The following THG1L variants were observed in gnomAD, a reference collection of about 807,000 sequenced individuals.
THG1L encodes tRNA-histidine guanylyltransferase 1 like, also known as probable tRNA(His) guanylyltransferase.
Under a neutral mutation model 35.2 loss-of-function variants are expected in THG1L, and 27 were observed. The observed-to-expected ratio is 0.77, with a 90% CI of 0.57 to 1.06. The LOEUF (loss-of-function observed/expected upper bound fraction) is 1.06, where lower values mean the gene tolerates loss of function less well. Ranked by LOEUF, THG1L falls within the 50% of genes least tolerant of loss-of-function variation. The pLI, the probability that THG1L is intolerant of heterozygous loss-of-function variation, is 0.00. For synonymous variants in THG1L, 135 were observed against 132.4 expected (o/e 1.02, Z -0.14); for missense variants, 377 against 371.8 (o/e 1.01, Z -0.12).
chr5:157,739,505 T>C lies in THG1L; in HGVS notation c.*23T>C. 1 of 1,600,888 alleles carries C rather than the reference T, an allele frequency of 6.2e-7. No individual in the cohort carries two copies. On this transcript the variant is annotated 3_prime_UTR_variant, in exon 6 of 6. Transcript: ENST00000231198. ...TGACCCTTTTGCGCTTCAGTTCTGG[T>C]GTGCTTAACCATGCAAGCCCTCCCA...
In THG1L at chr5:157,734,735, A is replaced by G; in HGVS notation, c.528A>G (p.Arg176=). 1 of 1,614,156 alleles carries G rather than the reference A, an allele frequency of 6.2e-7. No individual in the cohort carries two copies. Among genetic ancestry groups the G allele is most frequent in the Non-Finnish European group, 8.5e-7 (1 of 1,180,028 alleles). The change falls in exon 3 of 6, where the codon CGA becomes CGG. Residue 176 remains arginine (R), a synonymous_variant. Coordinates refer to ENST00000231198, the MANE Select transcript of THG1L (RefSeq NM_017872.5). ...NQTLKDYLSW[R]QADCHINNLY... is the part of the protein sequence containing the mutation. The stretch of plus-strand genomic sequence containing the variant: ...CTTTAAAGGACTACCTCAGCTGGCG[A>G]CAAGCAGATTGTGAGTGGCACCAAA...
At chr5:157,738,489 A>G (rs574833926) in intron 5 of THG1L, 4 of 351,990 alleles carry the variant, frequency 1.1e-5, no homozygotes, top group Middle Eastern at 1.0e-3. Flanking sequence ...AAGTCTGTAC[A>G]TTTACCTATA....
chr5:157,732,215 CAAAAAAAAAA>C (rs34744387), intron 1 of THG1L, among the ~76,000 whole-genome samples: 4,717 of 53,560 alleles, frequency 0.088, 34 homozygotes, highest in Non-Finnish European at 0.11. Flanking sequence ...TCCGCCACTA[CAAAAAAAAAA>C]AAAAAAAAAA....
intron 1 of THG1L, 40 bp downstream of exon 1, chr5:157,731,671 C>G: frequency 6.4e-7 from 1 of 1,565,910 alleles, no homozygotes; most frequent in South Asian, 1.2e-5. Flanking sequence ...TGCGCCAGCG[C>G]TTCCGGGGAA....
In THG1L at chr5:157,737,895, T is replaced by TG; in HGVS notation, c.637dup (p.Ala213GlyfsTer6). ...TATTTTTATTTTCTCAGGGAACTCTTGCAGCAGACAAGAATGAGATTTTGT... is the reference window on the plus strand; with the variant it reads ...TATTTTTATTTTCTCAGGGAACTCTTGGCAGCAGACAAGAATGAGATTTTGT... On this transcript the variant is annotated frameshift_variant, in exon 5 of 6. Transcript: ENST00000231198. LOFTEE classifies it high-confidence loss of function. The TG allele has an allele frequency of 1.2e-6, 2 of 1,612,316 alleles. No homozygotes were observed. Among genetic ancestry groups the TG allele is most frequent in the Non-Finnish European group, 1.7e-6 (2 of 1,179,424 alleles).
chr5:157,739,392 G>A lies in THG1L; in HGVS notation c.807G>A (p.Arg269=). 6.2e-7 allele frequency: 1 copy of A among 1,613,984 alleles called. No homozygotes were observed. Among genetic ancestry groups the A allele is most frequent in the Non-Finnish European group, 8.5e-7 (1 of 1,179,928 alleles). Residue 269 remains arginine, a synonymous_variant, in exon 6 of 6, where the codon CGG becomes CGA. Coordinates refer to ENST00000231198, the MANE Select transcript of THG1L (RefSeq NM_017872.5). ...EMEGKKMAVT[R]TRTKPVPLHC... ...AAGGAAAAAAGATGGCAGTGACCCG[G>A]ACCAGGACAAAGCCAGTGCCCTTGC...
At chr5:157,737,551 G>A (rs3817022) in intron 4 of THG1L, among the ~76,000 whole-genome samples, 52,284 of 151,664 alleles carry the variant, frequency 0.34, 9,151 homozygotes, top group East Asian at 0.54. Flanking sequence ...TCAATTCTTC[G>A]TAGAAGAATA....
intron 3 of THG1L, among the ~76,000 whole-genome samples, chr5:157,735,146 C>T (rs1364087957): frequency 6.6e-6 from 1 of 152,182 alleles, no homozygotes; most frequent in East Asian, 1.9e-4. Flanking sequence ...CCATGTTGGT[C>T]AGGCTGGTCT....
Position 157,735,094 on chromosome 5 carries a change from C to A in THG1L, c.538+349C>A, listed in dbSNP as rs550915247. Among the ~76,000 whole-genome samples the A allele has an allele frequency of 2.1e-4, 32 of 152,216 alleles. No homozygotes were observed. In the East Asian group the frequency reaches 6.2e-3, roughly 29 times the overall value. ...CTGGGATTACAGGCATGTGCCACCA[C>A]GCCCGGCTGATTCTGTATTTTTTAG... On this transcript the variant is annotated intron_variant, in intron 3 of 5. Transcript: ENST00000231198.
At position 157,731,619 on chromosome 5, in the gene THG1L, G is replaced by C; in HGVS notation, c.179G>C (p.Arg60Pro). 1 of 1,596,756 alleles carries C rather than the reference G, an allele frequency of 6.3e-7. No homozygotes were observed. Among genetic ancestry groups the C allele is most frequent in the Non-Finnish European group, 8.5e-7 (1 of 1,169,794 alleles). ...HCWVVVRLDG[R>P]NFHRFAEKHN... ...TGGGTGGTAGTGCGGCTGGACGGCC[G>C]GAATTTCCATCGGTGAGCGAGCTCG... The change falls in exon 1 of 6, where the codon CGG becomes CCG. Residue 60 changes from arginine to proline, a missense_variant. By Grantham distance (103) the Arg-to-Pro change is moderately radical. Transcript: ENST00000231198.
intron 4 of THG1L, 60 bp downstream of exon 4, chr5:157,735,994 T>G: frequency 8.6e-7 from 1 of 1,159,784 alleles, no homozygotes; most frequent in East Asian, 2.4e-5. Context: ...GGCTCTCCCA[T>G]AACTTTTTTT....
chr5:157,737,098 G>A (rs1760908599), intron 4 of THG1L, among the ~76,000 whole-genome samples: 1 of 152,142 alleles, frequency 6.6e-6, no homozygotes. Flanking sequence ...GTGCCCAGCT[G>A]TAACAGTTAC....
At chr5:157,734,537 C>G (rs767685885) in intron 2 of THG1L, 39 bp from the exon 3 acceptor site, 280 of 1,608,164 alleles carry the variant, frequency 1.7e-4, no homozygotes, top group Non-Finnish European at 2.2e-4. Flanking sequence ...GTGTATTTTT[C>G]TTTTTCTTAC....
chr5:157,735,614 G>A (rs1002126012), intron 3 of THG1L, among the ~76,000 whole-genome samples: 10 of 152,184 alleles, frequency 6.6e-5, no homozygotes, highest in Admixed American at 2.6e-4. Flanking sequence ...TAACAGATTT[G>A]TATAATGTGT....
At position 157,741,248 on chromosome 5, in the gene THG1L, T is replaced by C. The variant is rs903417410; in HGVS notation, c.*1766T>C. On this transcript the variant is annotated 3_prime_UTR_variant, in exon 6 of 6. Coordinates refer to ENST00000231198, the MANE Select transcript of THG1L (RefSeq NM_017872.5). ...CAGCCCGTGTCCCAGTCCCTCGTCT[T>C]GCACTGCAGAATTTACATCTAAGAA... is the stretch of plus-strand genomic sequence containing the variant. 4 of 152,184 alleles carry C rather than the reference T, an allele frequency of 2.6e-5. No individual in the cohort carries two copies. The highest frequency in any genetic ancestry group is 7.2e-5 in the African/African-American group (3 of 41,428). 9.4% of individuals were successfully genotyped at this position (152,184 alleles called of 1,614,324 possible). A position where few individuals can be genotyped will look rare whatever the true frequency, so the allele number is the denominator to read the frequency against.
At position 157,740,233 on chromosome 5, in the gene THG1L, A is replaced by G. The variant is rs1414719662; in HGVS notation, c.*751A>G. On this transcript the variant is annotated 3_prime_UTR_variant, in exon 6 of 6. Transcript: ENST00000231198. The stretch of plus-strand genomic sequence containing the variant: ...AAGAAACAAGAATGCGTGAATGAGG[A>G]TGAAGAAACATTTACCCCATGTACT... The G allele has an allele frequency of 6.6e-6, 1 of 152,254 alleles. No homozygotes were observed. Among genetic ancestry groups the G allele is most frequent in the Non-Finnish European group, 1.5e-5 (1 of 68,048 alleles). The allele number at this position is 152,254 out of a possible 1,614,324, so 9.4% of individuals were successfully genotyped here. A position where few individuals can be genotyped will look rare whatever the true frequency, so the allele number is the denominator to read the frequency against.
chr5:157,735,130 G>T (rs1438828111), intron 3 of THG1L, among the ~76,000 whole-genome samples: 2 of 151,788 alleles, frequency 1.3e-5, no homozygotes, highest in African/African-American at 4.8e-5. Flanking sequence ...TAGAAATGGG[G>T]TTTCTCCATG....
At chr5:157,733,088 A>G (rs199500859) in intron 2 of THG1L, 44 bp downstream of exon 2, 6 of 1,600,598 alleles carry the variant, frequency 3.7e-6, no homozygotes, top group Admixed American at 1.7e-5. Context: ...ATTTCCTCCC[A>G]GCATCTGGTT....
intron 2 of THG1L, among the ~76,000 whole-genome samples, chr5:157,733,527 C>A (rs1561611505): frequency 1.3e-5 from 2 of 152,038 alleles, no homozygotes; most frequent in African/African-American, 4.8e-5. Context: ...GGTGGGGTCT[C>A]TCTGTGTTGC....
Sources: allele counts gnomAD v4.1 joint callset (sites outside exome capture counted in the v4.1 genomes callset), GRCh38; gene constraint gnomAD v4.1.1; transcripts MANE v1.5; gene names NCBI Gene and HGNC (gene_info 2026-07-23, HGNC 2026-07-21).